GNAQ: variants seen among roughly 807,000 people sequenced by gnomAD.
GNAQ encodes the protein G protein subunit alpha q.
GNAQ carries 8 observed loss-of-function variants against 43.9 expected under a neutral mutation model. The observed-to-expected ratio is 0.18, with a 90% confidence interval of 0.11 to 0.33. The LOEUF (loss-of-function observed/expected upper bound fraction) is 0.33, where lower values mean the gene tolerates loss of function less well. Ranked by LOEUF, GNAQ falls within the 10% of genes least tolerant of loss-of-function variation. The probability of loss-of-function intolerance (pLI) is 1.00; values close to 1 mark genes in which losing one functional copy is unlikely to be tolerated. For synonymous variants in GNAQ, 155 were observed against 170.7 expected (o/e 0.91, Z 0.71); for missense variants, 158 against 450.8 (o/e 0.35, Z 5.88).
intron 5 of GNAQ, among the ~76,000 whole-genome samples, chr9:77,773,995 C>CT (rs547692996): frequency 0.044 from 6,453 of 146,204 alleles, 193 homozygotes; most frequent in South Asian, 0.082. Context: ...TCTTCTTCTT[C>CT]TTTTTTTTTT....
chr9:77,759,467 A>G (rs1825954702), intron 5 of GNAQ, among the ~76,000 whole-genome samples: 2 of 152,086 alleles, frequency 1.3e-5, no homozygotes, highest in Admixed American at 6.5e-5. Flanking sequence ...CAGAATTCTG[A>G]GATAATATGC....
At chr9:77,790,738 A>C (rs1320323571) in intron 5 of GNAQ, among the ~76,000 whole-genome samples, 1 of 152,126 alleles carries the variant, frequency 6.6e-6, no homozygotes, top group African/African-American at 2.4e-5. Flanking sequence ...ACTATGAGGG[A>C]AGGGAAAGAA....
At chr9:77,865,699 C>T (rs750884841) in intron 2 of GNAQ, among the ~76,000 whole-genome samples, 2 of 152,162 alleles carry the variant, frequency 1.3e-5, no homozygotes, top group East Asian at 3.9e-4. Flanking sequence ...CGTGGCAAGT[C>T]AATCCTTTCT....
intron 6 of GNAQ, among the ~76,000 whole-genome samples, chr9:77,722,414 G>C (rs1360942794): frequency 6.6e-6 from 1 of 151,684 alleles, no homozygotes; most frequent in African/African-American, 2.4e-5. Context: ...TGGGATTACA[G>C]GTGTGAGCCA....
In GNAQ at chr9:77,800,002, C is replaced by T. The variant is rs147738116; in HGVS notation, c.477-2354G>A. ...TTTAGTAAATATCTTGCCATGATCA[C>T]GGAGTCCTCTGATAAGAGTTAGACG... On this transcript the variant is annotated intron_variant, in intron 3 of 6. Coordinates refer to ENST00000286548, the MANE Select transcript of GNAQ (RefSeq NM_002072.5). Among the ~76,000 whole-genome samples the T allele has an allele frequency of 7.8e-3, 1,184 of 152,294 alleles. 12 individuals are homozygous for T. Among genetic ancestry groups the T allele is most frequent in the Non-Finnish European group, 0.011 (775 of 68,024 alleles).
intron 2 of GNAQ, among the ~76,000 whole-genome samples, chr9:77,918,579 T>C (rs968203893): frequency 1.8e-4 from 28 of 152,306 alleles, no homozygotes; most frequent in African/African-American, 6.5e-4. Context: ...TTAGCCTGCA[T>C]GTGAAATCTT....
At chr9:77,954,738 G>A (rs751140459) in intron 1 of GNAQ, among the ~76,000 whole-genome samples, 5 of 152,190 alleles carry the variant, frequency 3.3e-5, no homozygotes, top group Non-Finnish European at 5.9e-5. Flanking sequence ...GGGCTATTAA[G>A]AGATCAGACT....
At position 77,915,724 on chromosome 9, in the gene GNAQ, C is replaced by T. The variant is rs544013545; in HGVS notation, c.321+6437G>A. Reference sequence around the variant, plus strand: ...TAGAGTCAAATTCAGCTAGCTACTTCGTATATAACTAAGTCACTAACCCCT... The same window carrying T: ...TAGAGTCAAATTCAGCTAGCTACTTTGTATATAACTAAGTCACTAACCCCT... On this transcript the variant is annotated intron_variant, in intron 2 of 6. Coordinates refer to ENST00000286548, the MANE Select transcript of GNAQ (RefSeq NM_002072.5). Among the ~76,000 whole-genome samples, 6 of 152,216 alleles carry T rather than the reference C, an allele frequency of 3.9e-5. No individual in the cohort carries two copies. The South Asian group carries it at 1.2e-3, about 32-fold the overall frequency.
intron 2 of GNAQ, among the ~76,000 whole-genome samples, chr9:77,869,148 T>C (rs1827996335): frequency 6.6e-6 from 1 of 151,994 alleles, no homozygotes; most frequent in Non-Finnish European, 1.5e-5. Flanking sequence ...CTAAATACAC[T>C]AACCATGTAA....
rs974935093 is a variant in GNAQ at position 77,847,423 on chromosome 9, G to C, written c.322-31653C>G. Among the ~76,000 whole-genome samples, 3 of 152,204 alleles carry C rather than the reference G, an allele frequency of 2.0e-5. No homozygotes were observed. The South Asian group carries it at 6.2e-4, about 31-fold the overall frequency. The stretch of plus-strand genomic sequence containing the variant: ...AAAACACGATGGGAATGGCCTGGAG[G>C]AGATGGAAGAGGAAATGACTCCTTT... On this transcript the variant is annotated intron_variant, in intron 2 of 6. Transcript: ENST00000286548.
intron 1 of GNAQ, among the ~76,000 whole-genome samples, chr9:77,957,688 G>A (rs532509013): frequency 6.6e-6 from 1 of 152,250 alleles, no homozygotes; most frequent in Non-Finnish European, 1.5e-5. Context: ...AGGCAAAAGC[G>A]AGTCCATCTT....
intron 2 of GNAQ, among the ~76,000 whole-genome samples, chr9:77,819,790 A>AC (rs1406896489): frequency 1.4e-4 from 21 of 151,662 alleles, no homozygotes; most frequent in Non-Finnish European, 1.5e-5. Flanking sequence ...GGAAAAAAAA[A>AC]AAAAACCCTC....
chr9:77,983,737 G>A (rs1823397669), intron 1 of GNAQ, among the ~76,000 whole-genome samples: 2 of 152,076 alleles, frequency 1.3e-5, no homozygotes, highest in African/African-American at 4.8e-5. Flanking sequence ...ATCACTAGCA[G>A]ATCTAGTCTT....
chr9:77,769,662 CTCT>C (rs1826189582), intron 5 of GNAQ, among the ~76,000 whole-genome samples: 1 of 146,276 alleles, frequency 6.8e-6, no homozygotes, highest in Non-Finnish European at 1.5e-5. Context: ...AAGACAAGAA[CTCT>C]TTTTTTTTTT....
At chr9:77,862,167 C>T (rs1046938371) in intron 2 of GNAQ, among the ~76,000 whole-genome samples, 18 of 151,996 alleles carry the variant, frequency 1.2e-4, no homozygotes, top group Non-Finnish European at 1.3e-4. Flanking sequence ...TGCAAGCTCT[C>T]GGTGAATCTA....
intron 1 of GNAQ, among the ~76,000 whole-genome samples, chr9:77,935,081 C>A (rs1223291274): frequency 6.6e-6 from 1 of 152,150 alleles, no homozygotes; most frequent in East Asian, 1.9e-4. Flanking sequence ...GCCAAGATTG[C>A]ACCACTGCCC....
chr9:77,926,198 C>A (rs1829070618), intron 1 of GNAQ, among the ~76,000 whole-genome samples: 1 of 152,074 alleles, frequency 6.6e-6, no homozygotes, highest in African/African-American at 2.4e-5. Flanking sequence ...AATGTGTAAG[C>A]CAAATTTCAT....
intron 2 of GNAQ, among the ~76,000 whole-genome samples, chr9:77,880,181 T>C (rs1449933088): frequency 6.6e-6 from 1 of 152,196 alleles, no homozygotes; most frequent in East Asian, 1.9e-4. Context: ...GCAGCTGAAC[T>C]GTTCACTGAA....
intron 5 of GNAQ, among the ~76,000 whole-genome samples, chr9:77,764,245 C>A (rs1488991535): frequency 2.0e-5 from 3 of 152,080 alleles, no homozygotes; most frequent in Non-Finnish European, 4.4e-5. Flanking sequence ...TGAATGCAAT[C>A]TCTTAATTTA....
Sources: allele counts gnomAD v4.1 joint callset (sites outside exome capture counted in the v4.1 genomes callset), GRCh38; gene constraint gnomAD v4.1.1; transcripts MANE v1.5; gene names NCBI Gene and HGNC (gene_info 2026-07-23, HGNC 2026-07-21).